Variants in RIMBP2 observed in about 807,000 individuals in gnomAD.
RIMBP2 encodes RIMS binding protein 2.
In RIMBP2, 48 loss-of-function variants were observed where a neutral mutation model predicts 118.6. The ratio of observed to expected loss-of-function variants is 0.40; its 90% CI spans 0.32 to 0.51. The LOEUF (loss-of-function observed/expected upper bound fraction) is 0.51. Among genes scored for constraint, RIMBP2 ranks in the 20% least tolerant of loss-of-function variants. The pLI, the probability that RIMBP2 is intolerant of heterozygous loss-of-function variation, is 0.41. For synonymous variants in RIMBP2, 762 were observed against 742.9 expected (o/e 1.03, Z -0.42); for missense variants, 1,551 against 1,768.3 (o/e 0.88, Z 2.20).
At chr12:130,632,391 AT>A (rs35286609) in intron 1 of RIMBP2, among the ~76,000 whole-genome samples, 32,933 of 151,346 alleles carry the variant, frequency 0.22, 3,698 homozygotes, top group African/African-American at 0.27. Flanking sequence ...AGTGATGTAC[AT>A]TTTTTTTTTC....
chr12:130,531,952 CGTCT>C, intron 2 of RIMBP2, among the ~76,000 whole-genome samples: 3 of 131,758 alleles, frequency 2.3e-5, no homozygotes, highest in Non-Finnish European at 4.8e-5. Flanking sequence ...CTAGGAGGTA[CGTCT>C]AATGAGATGC....
At chr12:130,609,590 T>C (rs1406001022) in intron 2 of RIMBP2, among the ~76,000 whole-genome samples, 1 of 133,832 alleles carries the variant, frequency 7.5e-6, no homozygotes, top group Non-Finnish European at 1.7e-5. Context: ...ACAGGATAGA[T>C]ACACATGAAG....
At position 130,563,543 on chromosome 12, in the gene RIMBP2, A is replaced by G. The variant is rs115046972; in HGVS notation, c.-216-45626T>C. Reference sequence around the variant, plus strand: ...GAATCAAGTATGAAAACGGTGACTCATCATTGAGACTATACTGGGAGCTTT... The same window carrying G: ...GAATCAAGTATGAAAACGGTGACTCGTCATTGAGACTATACTGGGAGCTTT... On this transcript the variant is annotated intron_variant, in intron 2 of 22. Transcript: ENST00000690449. Among the ~76,000 whole-genome samples the G allele has an allele frequency of 3.2e-3, 490 of 152,366 alleles. 4 individuals carry two copies. The highest frequency in any genetic ancestry group is 0.011 in the African/African-American group (469 of 41,574).
intron 1 of RIMBP2, among the ~76,000 whole-genome samples, chr12:130,665,976 G>T (rs4759750): frequency 6.6e-6 from 1 of 151,912 alleles, no homozygotes; most frequent in African/African-American, 2.4e-5. Context: ...GCCTCATCCT[G>T]TCTCCCTCTT....
At position 130,680,518 on chromosome 12, in the gene RIMBP2, A is replaced by T. The variant is rs1011348; in HGVS notation, c.-352+35704T>A. Among the ~76,000 whole-genome samples, 411 of 152,096 alleles carry T rather than the reference A, an allele frequency of 2.7e-3. 2 individuals are homozygous for T. Among genetic ancestry groups the T allele is most frequent in the African/African-American group, 9.2e-3 (382 of 41,466 alleles). ...ACTCAGATACACACATACACACGCA[A>T]GCTTGGACATGCAAAGGCTCTCGCT... On this transcript the variant is annotated intron_variant, in intron 1 of 22. Coordinates refer to ENST00000690449, the MANE Select transcript of RIMBP2 (RefSeq NM_001393629.1).
chr12:130,715,548 C>T (rs868012129), intron 1 of RIMBP2, among the ~76,000 whole-genome samples: 2 of 152,332 alleles, frequency 1.3e-5, no homozygotes, highest in East Asian at 3.9e-4. Context: ...GGAGAGTCTG[C>T]CCCCGGCCAG....
chr12:130,668,714 G>A (rs910911359), intron 1 of RIMBP2, among the ~76,000 whole-genome samples: 6 of 152,252 alleles, frequency 3.9e-5, no homozygotes, highest in Non-Finnish European at 7.3e-5. Context: ...GCAGCTGCAT[G>A]GCCGGCTCTC....
chr12:130,443,982 G>A (rs1406688580), intron 10 of RIMBP2, among the ~76,000 whole-genome samples: 2 of 152,168 alleles, frequency 1.3e-5, no homozygotes, highest in Admixed American at 1.3e-4. Flanking sequence ...GCACAGCGAG[G>A]TGAAGGAAGT....
At chr12:130,714,972 G>A (rs1950226524) in intron 1 of RIMBP2, among the ~76,000 whole-genome samples, 1 of 152,176 alleles carries the variant, frequency 6.6e-6, no homozygotes, top group Non-Finnish European at 1.5e-5. Context: ...AACCGGGTGA[G>A]TGAGCCTGCA....
At chr12:130,521,164 A>T (rs1593628622) in intron 2 of RIMBP2, among the ~76,000 whole-genome samples, 1 of 152,134 alleles carries the variant, frequency 6.6e-6, no homozygotes, top group Non-Finnish European at 1.5e-5. Flanking sequence ...CTCATAACTG[A>T]CCCTGTGTGC....
intron 17 of RIMBP2, among the ~76,000 whole-genome samples, chr12:130,418,410 G>C (rs912556265): frequency 1.3e-5 from 2 of 152,224 alleles, no homozygotes; most frequent in Non-Finnish European, 2.9e-5. Flanking sequence ...AGGCACAGCT[G>C]TGCAGCCCCT....
At chr12:130,466,654 T>C (rs1306363756) in intron 6 of RIMBP2, among the ~76,000 whole-genome samples, 1 of 152,190 alleles carries the variant, frequency 6.6e-6, no homozygotes, top group Non-Finnish European at 1.5e-5. Flanking sequence ...ATTAAAAAGC[T>C]ACCTACCTCC....
At chr12:130,546,753 C>T (rs187420058) in intron 2 of RIMBP2, among the ~76,000 whole-genome samples, 5 of 152,288 alleles carry the variant, frequency 3.3e-5, no homozygotes, top group East Asian at 3.9e-4. Flanking sequence ...TGTTAGTCAA[C>T]GCAGTGATTT....
At chr12:130,662,209 G>A (rs921035485) in intron 1 of RIMBP2, among the ~76,000 whole-genome samples, 7 of 152,282 alleles carry the variant, frequency 4.6e-5, no homozygotes, top group African/African-American at 1.2e-4. Context: ...GACCCGTCAC[G>A]CTCTGGGGAG....
At chr12:130,427,849 C>T (rs2076895617) in intron 15 of RIMBP2, 1 of 212,010 alleles carries the variant, frequency 4.7e-6, no homozygotes, top group South Asian at 1.8e-4. Context: ...TGCCGATTCT[C>T]TCGAGATGAG....
intron 9 of RIMBP2, among the ~76,000 whole-genome samples, chr12:130,445,740 T>C (rs2137244371): frequency 6.6e-6 from 1 of 152,354 alleles, no homozygotes; most frequent in East Asian, 1.9e-4. Context: ...ATTATCATCA[T>C]AGTCTTTTTA....
intron 15 of RIMBP2, chr12:130,425,094 G>GGCCGGGCAGGAGCCAGCGC (rs1270814093): frequency 3.1e-4 from 119 of 378,270 alleles, no homozygotes; most frequent in Non-Finnish European, 4.8e-4. Flanking sequence ...AGAGCCAGCG[G>GGCCGGGCAGGAGCCAGCGC]GCCGGGCAGG....
At chr12:130,428,438 C>T (rs1456084282) in intron 14 of RIMBP2, 101 bp from the exon 15 acceptor site, 9 of 1,292,144 alleles carry the variant, frequency 7.0e-6, no homozygotes, top group East Asian at 2.4e-5. Flanking sequence ...CGCTGACTCA[C>T]GGGGCTCACA....
chr12:130,438,317 T>C (rs780347295), intron 12 of RIMBP2, 48 bp downstream of exon 12: 2 of 1,601,224 alleles, frequency 1.2e-6, no homozygotes, highest in Non-Finnish European at 1.7e-6. Flanking sequence ...CGGTCCCTGC[T>C]GCGTTAGGGC....
Sources: gnomAD v4.1 joint callset for allele counts (sites outside exome capture counted in the v4.1 genomes callset) on GRCh38, gnomAD v4.1.1 for gene constraint, MANE v1.5 for transcripts, NCBI Gene and HGNC (gene_info 2026-07-23, HGNC 2026-07-21) for gene names.